Variants in SNX6 observed in about 807,000 individuals in gnomAD.
The protein encoded by SNX6 is sorting nexin 6, also known as sorting nexin-6.
In SNX6, 34 loss-of-function variants were observed where a neutral mutation model predicts 63.0. The ratio of observed to expected loss-of-function variants is 0.54; its 90% CI spans 0.41 to 0.72. The LOEUF (loss-of-function observed/expected upper bound fraction) is 0.72, where lower values mean the gene tolerates loss of function less well. SNX6 is among the 30% of genes least tolerant of loss of function. SNX6 has a pLI of 0.00. For missense variants in SNX6, 398 were observed against 471.4 expected, an observed-to-expected ratio of 0.84 and a Z score of 1.44; for synonymous variants, 170 against 164.2, an observed-to-expected ratio of 1.04 and a Z score of -0.27.
chr14:34,596,813 C>A (rs1566480004), intron 7 of SNX6, among the ~76,000 whole-genome samples: 1 of 151,822 alleles, frequency 6.6e-6, no homozygotes, highest in Non-Finnish European at 1.5e-5. Flanking sequence ...GGATTACAGG[C>A]ACGCAGGACT....
At chr14:34,582,243 T>C (rs1238264101) in intron 9 of SNX6, among the ~76,000 whole-genome samples, 1 of 150,814 alleles carries the variant, frequency 6.6e-6, no homozygotes, top group Non-Finnish European at 1.5e-5. Context: ...GTGAGTCTCC[T>C]GCCTCAGCCT....
intron 2 of SNX6, among the ~76,000 whole-genome samples, chr14:34,616,266 C>T (rs1444840356): frequency 6.6e-6 from 1 of 151,976 alleles, no homozygotes; most frequent in African/African-American, 2.4e-5. Context: ...GAATGTCTTT[C>T]AATTGATGAC....
chr14:34,572,143 C>T (rs759513442), intron 11 of SNX6, among the ~76,000 whole-genome samples: 2 of 152,124 alleles, frequency 1.3e-5, no homozygotes, highest in African/African-American at 2.4e-5. Flanking sequence ...TGTATCTTTG[C>T]CAGAATTTTT....
chr14:34,615,544 T>C (rs1297138478), intron 2 of SNX6, among the ~76,000 whole-genome samples: 5 of 152,154 alleles, frequency 3.3e-5, no homozygotes, highest in African/African-American at 1.2e-4. Context: ...GTATACCTTA[T>C]TAAAGCATGT....
At chr14:34,623,448 A>C (rs1883703343) in intron 2 of SNX6, among the ~76,000 whole-genome samples, 1 of 152,184 alleles carries the variant, frequency 6.6e-6, no homozygotes, top group Non-Finnish European at 1.5e-5. Context: ...CCCCCCAAAA[A>C]AAGGGGTCCA....
chr14:34,588,455 T>C (rs1257040309), intron 8 of SNX6, among the ~76,000 whole-genome samples: 3 of 152,088 alleles, frequency 2.0e-5, no homozygotes, highest in Non-Finnish European at 4.4e-5. Flanking sequence ...TTCACCATGT[T>C]GCCCAGGCTG....
chr14:34,574,344 A>AG (rs1881591808), intron 11 of SNX6, among the ~76,000 whole-genome samples: 1 of 151,228 alleles, frequency 6.6e-6, no homozygotes, highest in Non-Finnish European at 1.5e-5. Context: ...TCAAAAAAAA[A>AG]AAAAAGAGAA....
intron 6 of SNX6, 72 bp from the exon 7 acceptor site, chr14:34,597,717 T>A: frequency 1.3e-6 from 1 of 777,138 alleles, no homozygotes; most frequent in Non-Finnish European, 2.1e-6. Context: ...CTTTGATATT[T>A]AAATGGCAAT....
chr14:34,607,964 C>T, intron 4 of SNX6, 66 bp downstream of exon 4: 2 of 815,930 alleles, frequency 2.5e-6, no homozygotes, highest in Non-Finnish European at 1.9e-6. Flanking sequence ...AAACAAGATT[C>T]CAAAACATAA....
rs1158955165 is a variant in SNX6, at chr14:34,629,520, GA to G, written c.54+386del. Reference sequence around the variant, plus strand: ...CAAGTTCGAGATGTCCACACCGGGTGAAAATTGAGGGTGCCGCTGGGAAGGT... The same window carrying G: ...CAAGTTCGAGATGTCCACACCGGGTGAAATTGAGGGTGCCGCTGGGAAGGT... On this transcript the variant is annotated intron_variant, in intron 2 of 13. Coordinates refer to ENST00000362031, the MANE Select transcript of SNX6 (RefSeq NM_152233.4). 3 of 504,610 alleles carry G rather than the reference GA, an allele frequency of 5.9e-6. No homozygotes were observed. The Admixed American group carries it at 6.8e-5, about 11-fold the overall frequency. 31.3% of individuals were successfully genotyped at this position (504,610 alleles called of 1,614,324 possible).
chr14:34,621,866 GTTTC>G (rs977086116), intron 2 of SNX6, among the ~76,000 whole-genome samples: 4 of 148,880 alleles, frequency 2.7e-5, no homozygotes, highest in Non-Finnish European at 4.4e-5. Flanking sequence ...CTGTTAACTG[GTTTC>G]TTTGTTTTCT....
rs370793271 is a variant in SNX6, at chr14:34,603,484, T to C, written c.393-13A>G. The C allele has an allele frequency of 9.6e-6, 15 of 1,561,040 alleles. No individual in the cohort carries two copies. In the African/African-American group the frequency reaches 1.4e-4, roughly 14 times the overall value. On this transcript the variant is annotated splice_polypyrimidine_tract_variant and intron_variant, in intron 5 of 13. Transcript: ENST00000362031. ...TGCCAAATATTCACTAGAAACAATA[T>C]ACAAAATTAAAGGTAAAAAACTCCA...
At chr14:34,576,526 G>GC (rs1881715095) in intron 10 of SNX6, among the ~76,000 whole-genome samples, 1 of 150,880 alleles carries the variant, frequency 6.6e-6, no homozygotes, top group Non-Finnish European at 1.5e-5. Flanking sequence ...TCGGCTCACT[G>GC]CAACCTCTGC....
At chr14:34,624,693 G>A (rs922291116) in intron 2 of SNX6, among the ~76,000 whole-genome samples, 3 of 151,746 alleles carry the variant, frequency 2.0e-5, no homozygotes, top group Non-Finnish European at 4.4e-5. Context: ...CTACTCAGGA[G>A]GCTGAGGCAG....
At chr14:34,617,664 G>A (rs529309300) in intron 2 of SNX6, among the ~76,000 whole-genome samples, 2 of 148,396 alleles carry the variant, frequency 1.3e-5, no homozygotes, top group African/African-American at 2.5e-5. Context: ...GCTCACGCCT[G>A]TAATCCCAGC....
intron 7 of SNX6, among the ~76,000 whole-genome samples, chr14:34,594,288 G>C (rs1246783017): frequency 6.6e-6 from 1 of 150,442 alleles, no homozygotes; most frequent in Non-Finnish European, 1.5e-5. Flanking sequence ...GCAACAATGT[G>C]ATTAACCACT....
chr14:34,576,452 A>ATATATATATAT (rs1274675434), intron 10 of SNX6, among the ~76,000 whole-genome samples: 2 of 63,162 alleles, frequency 3.2e-5, no homozygotes, highest in East Asian at 1.5e-3. Context: ...ATATATATAT[A>ATATATATATAT]TTTTTTTTTT....
intron 2 of SNX6, among the ~76,000 whole-genome samples, chr14:34,616,418 G>A (rs1337922515): frequency 1.3e-5 from 2 of 152,084 alleles, no homozygotes; most frequent in South Asian, 4.1e-4. Flanking sequence ...TACCCAGGTT[G>A]GAATGCGGTG....
At chr14:34,563,290 G>A in intron 13 of SNX6, 115 bp from the exon 14 acceptor site, 1 of 965,612 alleles carries the variant, frequency 1.0e-6, no homozygotes, top group Non-Finnish European at 1.6e-6. Flanking sequence ...CGGGCGCGGT[G>A]GCTCATGCCT....
Sources: allele counts gnomAD v4.1 joint callset (sites outside exome capture counted in the v4.1 genomes callset), GRCh38; gene constraint gnomAD v4.1.1; transcripts MANE v1.5; gene names NCBI Gene and HGNC (gene_info 2026-07-23, HGNC 2026-07-21).